Variants in DGKI observed in about 807,000 individuals in gnomAD.
DGKI encodes the protein DAG kinase iota.
Under a neutral mutation model 147.5 loss-of-function variants are expected in DGKI, and 55 were observed. The observed-to-expected ratio is 0.37, with a 90% CI of 0.30 to 0.47. The LOEUF is 0.47. Among genes scored for constraint, DGKI ranks in the 20% least tolerant of loss-of-function variants. The probability of loss-of-function intolerance (pLI) is 1.00; values close to 1 mark genes in which losing one functional copy is unlikely to be tolerated. For synonymous variants in DGKI, 469 were observed against 477.1 expected, an observed-to-expected ratio of 0.98 and a Z score of 0.22; for missense variants, 1,007 against 1,323.8, an observed-to-expected ratio of 0.76 and a Z score of 3.71.
intron 1 of DGKI, among the ~76,000 whole-genome samples, chr7:137,721,579 CTGCT>C (rs1794559715): frequency 6.6e-6 from 1 of 152,172 alleles, no homozygotes. Context: ...TGCCCTCCAC[CTGCT>C]TGCTTTCCAG....
intron 6 of DGKI, among the ~76,000 whole-genome samples, chr7:137,643,339 G>A (rs1203467774): frequency 1.4e-5 from 2 of 147,438 alleles, no homozygotes; most frequent in African/African-American, 5.0e-5. Flanking sequence ...GAATAAGAAG[G>A]TACAACACTA....
intron 1 of DGKI, among the ~76,000 whole-genome samples, chr7:137,788,370 C>G (rs778429666): frequency 1.9e-4 from 29 of 151,756 alleles, no homozygotes; most frequent in Non-Finnish European, 4.1e-4. Context: ...CCCATCTTCC[C>G]CCTTCCCTTC....
chr7:137,585,545 C>T (rs1012874003), intron 13 of DGKI, among the ~76,000 whole-genome samples, 199 bp from the exon 14 acceptor site: 1 of 152,140 alleles, frequency 6.6e-6, no homozygotes, highest in African/African-American at 2.4e-5. Context: ...CTAGTTCTGG[C>T]TGGTTTGAGC....
chr7:137,697,579 T>C (rs1475992196), intron 1 of DGKI, among the ~76,000 whole-genome samples: 5 of 152,204 alleles, frequency 3.3e-5, no homozygotes, highest in Non-Finnish European at 2.9e-5. Context: ...TTAACTTCTC[T>C]TTCGGTCTAT....
intron 13 of DGKI, among the ~76,000 whole-genome samples, chr7:137,586,691 A>T (rs1251312281): frequency 6.6e-6 from 1 of 152,156 alleles, no homozygotes; most frequent in Non-Finnish European, 1.5e-5. Flanking sequence ...GCTAAAAAAA[A>T]AAAGTCATAA....
At chr7:137,516,077 A>T (rs1816735162) in intron 21 of DGKI, among the ~76,000 whole-genome samples, 1 of 152,128 alleles carries the variant, frequency 6.6e-6, no homozygotes. Flanking sequence ...ATCTCTACTG[A>T]ACAGCCCTGT....
chr7:137,682,209 T>C (rs537115479), intron 2 of DGKI, among the ~76,000 whole-genome samples: 5 of 152,246 alleles, frequency 3.3e-5, no homozygotes, highest in African/African-American at 1.2e-4. Flanking sequence ...GACTCTTGAA[T>C]CCTGCATAAA....
intron 1 of DGKI, among the ~76,000 whole-genome samples, chr7:137,838,682 G>A (rs1435749860): frequency 2.0e-5 from 3 of 151,842 alleles, no homozygotes. Flanking sequence ...CCTTTTTTAG[G>A]GGAAAAAAAA....
At chr7:137,669,107 G>A (rs1041366049) in intron 3 of DGKI, among the ~76,000 whole-genome samples, 2 of 152,182 alleles carry the variant, frequency 1.3e-5, no homozygotes, top group Non-Finnish European at 2.9e-5. Flanking sequence ...TGGAAATCAG[G>A]ATTCAAAACC....
intron 21 of DGKI, among the ~76,000 whole-genome samples, chr7:137,519,940 T>G (rs1339115005): frequency 6.6e-6 from 1 of 152,104 alleles, no homozygotes; most frequent in African/African-American, 2.4e-5. Flanking sequence ...AGAGAGTATA[T>G]GTGTTCTTTG....
At chr7:137,574,815 T>C (rs1172703307) in intron 17 of DGKI, among the ~76,000 whole-genome samples, 1 of 152,320 alleles carries the variant, frequency 6.6e-6, no homozygotes, top group East Asian at 1.9e-4. Context: ...TGGCTATATG[T>C]AGGTTTTTAC....
intron 1 of DGKI, among the ~76,000 whole-genome samples, chr7:137,773,176 A>C (rs555953005): frequency 6.6e-6 from 1 of 152,336 alleles, no homozygotes; most frequent in Admixed American, 6.5e-5. Flanking sequence ...TGAACAGTAC[A>C]ATCATCTGCA....
intron 1 of DGKI, among the ~76,000 whole-genome samples, chr7:137,822,407 C>G (rs538997582): frequency 1.3e-5 from 2 of 151,216 alleles, no homozygotes; most frequent in South Asian, 4.2e-4. Flanking sequence ...ACTCTGTCTC[C>G]AAAATAATAA....
At chr7:137,684,909 G>T (rs1281724201) in intron 2 of DGKI, among the ~76,000 whole-genome samples, 1 of 152,192 alleles carries the variant, frequency 6.6e-6, no homozygotes, top group Non-Finnish European at 1.5e-5. Flanking sequence ...GGACTGAAAT[G>T]AGAACATGCA....
rs71533759 is a variant in DGKI, at chr7:137,588,475, C to CTTTTTTTTTTTTTTTT, written c.1312-1281_1312-1266dup. On this transcript the variant is annotated intron_variant, in intron 12 of 32. Transcript: ENST00000614521. ...TAACACAAAGATGGACATACCGATG[C>CTTTTTTTTTTTTTTTT]TTTTTTTTTTTTTTTTTTTGAGATG... 1.9e-4 allele frequency among the ~76,000 whole-genome samples: 22 copies of CTTTTTTTTTTTTTTTT among 116,682 alleles called. 1 individual carries two copies. Among genetic ancestry groups the CTTTTTTTTTTTTTTTT allele is most frequent in the African/African-American group, 6.6e-4 (18 of 27,466 alleles). The allele number at this position is 116,682 out of a possible 152,430, so 76.5% of individuals were successfully genotyped here.
intron 1 of DGKI, among the ~76,000 whole-genome samples, chr7:137,691,674 A>C (rs1199014602): frequency 6.6e-6 from 1 of 152,228 alleles, no homozygotes; most frequent in Non-Finnish European, 1.5e-5. Context: ...AAGTTGAGCA[A>C]GATGAACAGT....
intron 6 of DGKI, among the ~76,000 whole-genome samples, chr7:137,633,212 CAAA>C (rs575170478): frequency 2.7e-4 from 18 of 65,692 alleles, no homozygotes; most frequent in African/African-American, 5.8e-4. Flanking sequence ...AACTCGTTCT[CAAA>C]AAAAAAAAAA....
At chr7:137,493,749 T>A (rs1266021832) in intron 21 of DGKI, 1 of 701,598 alleles carries the variant, frequency 1.4e-6, no homozygotes. Context: ...GCGCGAGAAC[T>A]CTGGCAACTC....
intron 30 of DGKI, among the ~76,000 whole-genome samples, chr7:137,398,698 C>T (rs755427540): frequency 1.3e-5 from 2 of 152,026 alleles, no homozygotes; most frequent in Non-Finnish European, 2.9e-5. Flanking sequence ...TCATCCAAAT[C>T]ATCTTGACCT....
Sources: allele counts gnomAD v4.1 joint callset (sites outside exome capture counted in the v4.1 genomes callset), GRCh38; gene constraint gnomAD v4.1.1; transcripts MANE v1.5; gene names NCBI Gene and HGNC (gene_info 2026-07-23, HGNC 2026-07-21).